Variants in XIRP2 observed in about 807,000 individuals in gnomAD.
The protein encoded by XIRP2 is xin actin-binding repeat-containing protein 2.
In XIRP2, 236 loss-of-function variants were observed where a neutral mutation model predicts 277.0. That is an observed-to-expected ratio of 0.85 (90% CI 0.77 to 0.95). The LOEUF is 0.95. Among genes scored for constraint, XIRP2 ranks in the 40% least tolerant of loss-of-function variants. XIRP2 has a pLI of 0.00. For missense variants in XIRP2, 4,640 were observed against 4,157.5 expected (o/e 1.12, Z -3.19); for synonymous variants, 1,490 against 1,416.5 (o/e 1.05, Z -1.17).
At chr2:167,044,885 G>T (rs1469909681) in intron 2 of XIRP2, among the ~76,000 whole-genome samples, 1 of 150,690 alleles carries the variant, frequency 6.6e-6, no homozygotes, top group Non-Finnish European at 1.5e-5. Context: ...ATTTTTCACA[G>T]AATTAGAAAA....
intron 2 of XIRP2, among the ~76,000 whole-genome samples, chr2:167,080,965 T>C (rs1325365199): frequency 2.6e-5 from 4 of 152,184 alleles, no homozygotes; most frequent in African/African-American, 9.7e-5. Flanking sequence ...GATCTGAGTA[T>C]ACAATGTTCC....
chr2:167,090,033 A>G (rs185535451), intron 2 of XIRP2, among the ~76,000 whole-genome samples: 2 of 152,254 alleles, frequency 1.3e-5, no homozygotes, highest in African/African-American at 4.8e-5. Context: ...CTTATCTTGT[A>G]TTCTATAAAT....
chr2:167,190,639 A>G (rs2105365950), intron 3 of XIRP2, among the ~76,000 whole-genome samples: 1 of 152,268 alleles, frequency 6.6e-6, no homozygotes, highest in East Asian at 1.9e-4. Context: ...CTATTTTTCC[A>G]TTTGTATAAT....
intron 1 of XIRP2, among the ~76,000 whole-genome samples, chr2:166,893,859 C>G (rs1328637532): frequency 6.6e-6 from 1 of 151,978 alleles, no homozygotes; most frequent in Non-Finnish European, 1.5e-5. Context: ...GAGAAATGTA[C>G]CAAAACATGT....
At chr2:166,900,758 C>A (rs1684366047) in intron 1 of XIRP2, among the ~76,000 whole-genome samples, 3 of 152,056 alleles carry the variant, frequency 2.0e-5, no homozygotes, top group African/African-American at 7.2e-5. Context: ...TCACTGACAT[C>A]ATTGCCAGAA....
At chr2:166,902,596 T>TTG (rs150881919) in intron 1 of XIRP2, among the ~76,000 whole-genome samples, 2,286 of 150,510 alleles carry the variant, frequency 0.015, 66 homozygotes, top group African/African-American at 0.052. Flanking sequence ...TGCCCATGAT[T>TTG]TGTGTGTGTG....
intron 2 of XIRP2, among the ~76,000 whole-genome samples, chr2:167,085,624 C>T (rs1302091858): frequency 1.3e-5 from 2 of 152,038 alleles, no homozygotes; most frequent in Admixed American, 1.3e-4. Flanking sequence ...AATCTGGGTG[C>T]TCCTGTATTG....
chr2:167,194,356 C>T (rs896376105), intron 3 of XIRP2, among the ~76,000 whole-genome samples: 1 of 152,184 alleles, frequency 6.6e-6, no homozygotes, highest in Non-Finnish European at 1.5e-5. Flanking sequence ...GCTGGGATTA[C>T]AGGCGTGAGC....
chr2:167,130,159 CCA>C (rs1185965918), intron 2 of XIRP2, among the ~76,000 whole-genome samples: 1 of 152,018 alleles, frequency 6.6e-6, no homozygotes, highest in Non-Finnish European at 1.5e-5. Flanking sequence ...CCTGAAATCA[CCA>C]GTGTCCCTGA....
chr2:166,918,903 T>C (rs1360961063), intron 2 of XIRP2, among the ~76,000 whole-genome samples: 1 of 152,156 alleles, frequency 6.6e-6, no homozygotes, highest in African/African-American at 2.4e-5. Context: ...CAAAGCTTTC[T>C]TTAATGGAGT....
intron 2 of XIRP2, among the ~76,000 whole-genome samples, chr2:167,004,190 ATTAT>A (rs1386180246): frequency 2.0e-5 from 3 of 151,854 alleles, no homozygotes; most frequent in South Asian, 2.1e-4. Context: ...AACAGCCATG[ATTAT>A]TTATTAAGTG....
intron 8 of XIRP2, 36 bp downstream of exon 8, chr2:167,241,946 G>C: frequency 6.4e-7 from 1 of 1,566,808 alleles, no homozygotes; most frequent in Non-Finnish European, 8.6e-7. Flanking sequence ...CATACTAAGT[G>C]TAAGACCAAG....
intron 2 of XIRP2, among the ~76,000 whole-genome samples, chr2:167,065,282 T>C (rs889392261): frequency 2.0e-5 from 3 of 151,952 alleles, no homozygotes; most frequent in African/African-American, 7.2e-5. Flanking sequence ...CCATGGTTCA[T>C]TGGCCATTTG....
chr2:167,173,829 C>T (rs1559007216), intron 3 of XIRP2, among the ~76,000 whole-genome samples: 2 of 152,106 alleles, frequency 1.3e-5, no homozygotes, highest in Non-Finnish European at 2.9e-5. Flanking sequence ...GACATGATAT[C>T]TCATTACAGT....
intron 5 of XIRP2, 22 bp from the exon 6 acceptor site, chr2:167,239,829 TTGTC>T (rs771623223): frequency 7.7e-6 from 12 of 1,567,904 alleles, no homozygotes; most frequent in South Asian, 3.6e-5. Context: ...TCTTAAGGCA[TTGTC>T]TGTCTGTCTG....
chr2:167,183,865 G>C (rs1441448178), intron 3 of XIRP2, among the ~76,000 whole-genome samples: 1 of 152,130 alleles, frequency 6.6e-6, no homozygotes, highest in Non-Finnish European at 1.5e-5. Flanking sequence ...CTTCGTCAGA[G>C]ATATTAAATC....
intron 2 of XIRP2, among the ~76,000 whole-genome samples, chr2:166,984,003 A>G (rs1467536487): frequency 2.0e-5 from 3 of 152,154 alleles, no homozygotes; most frequent in African/African-American, 7.2e-5. Context: ...GCAAAGAAAC[A>G]CAGCCCTTAA....
intron 9 of XIRP2, 143 bp downstream of exon 9, chr2:167,252,090 T>G: frequency 7.8e-7 from 1 of 1,278,492 alleles, no homozygotes. Context: ...TGTATGCTTA[T>G]AGACTCTTTA....
rs188194500 is a variant in XIRP2, at chr2:167,227,187, C to A, written c.858+8887C>A. On this transcript the variant is annotated intron_variant, in intron 5 of 10. Transcript: ENST00000409195. The stretch of plus-strand genomic sequence containing the variant: ...ACACTCTGATAGCAGGGACCTTCTT[C>A]TTATGTTGACATTTCTCTTGAGATA... Among the ~76,000 whole-genome samples, 226 of 152,208 alleles carry A rather than the reference C, an allele frequency of 1.5e-3. 2 individuals carry two copies. Among genetic ancestry groups the A allele is most frequent in the African/African-American group, 5.1e-3 (211 of 41,538 alleles).
Sources: allele counts gnomAD v4.1 joint callset (sites outside exome capture counted in the v4.1 genomes callset), GRCh38; gene constraint gnomAD v4.1.1; transcripts MANE v1.5; gene names NCBI Gene and HGNC (gene_info 2026-07-23, HGNC 2026-07-21).